GRM7: variants seen among roughly 807,000 people sequenced by gnomAD.
GRM7 encodes metabotropic glutamate receptor 7.
Under a neutral mutation model 84.5 loss-of-function variants are expected in GRM7, and 35 were observed. That is an observed-to-expected ratio of 0.41 (90% CI 0.32 to 0.55). GRM7 has a LOEUF of 0.55. Ranked by LOEUF, GRM7 falls within the 20% of genes least tolerant of loss-of-function variation. The pLI is 0.19. For missense variants in GRM7, 1,003 were observed against 1,194.6 expected (o/e 0.84, Z 2.36); for synonymous variants, 487 against 455.1 (o/e 1.07, Z -0.89).
At chr3:7,079,957 T>C (rs1047838836) in intron 1 of GRM7, among the ~76,000 whole-genome samples, 2 of 152,178 alleles carry the variant, frequency 1.3e-5, no homozygotes, top group African/African-American at 4.8e-5. Flanking sequence ...AGAGTTTGCT[T>C]AATGAATGGC....
At chr3:7,218,858 A>G (rs571829525) in intron 2 of GRM7, among the ~76,000 whole-genome samples, 56 of 152,118 alleles carry the variant, frequency 3.7e-4, no homozygotes, top group African/African-American at 1.3e-3. Flanking sequence ...TATTATTTTT[A>G]ACATTTTTCT....
Position 7,092,955 on chromosome 3 carries a change from C to T in GRM7, c.520-53497C>T, listed in dbSNP as rs139096528. Among the ~76,000 whole-genome samples the T allele has an allele frequency of 5.8e-4, 88 of 152,182 alleles. 1 individual carries two copies. The highest frequency in any genetic ancestry group is 2.1e-3 in the African/African-American group (87 of 41,512). ...AAATTTAGCCAGGTGTGGTGGTGTG[C>T]ACCTGTAGTCCCAGCTGCTTGGGAG... On this transcript the variant is annotated intron_variant, in intron 1 of 9. Transcript: ENST00000357716.
At chr3:7,277,400 A>G (rs1376266477) in intron 2 of GRM7, among the ~76,000 whole-genome samples, 1 of 152,002 alleles carries the variant, frequency 6.6e-6, no homozygotes, top group East Asian at 1.9e-4. Flanking sequence ...AATTTTATCA[A>G]GATGTCCATT....
intron 4 of GRM7, among the ~76,000 whole-genome samples, chr3:7,364,144 A>G (rs1180298904): frequency 2.0e-5 from 3 of 151,842 alleles, no homozygotes; most frequent in Non-Finnish European, 2.9e-5. Context: ...TTTTTGTTTT[A>G]TTCCTCTATA....
intron 8 of GRM7, among the ~76,000 whole-genome samples, chr3:7,585,662 A>T (rs915087925): frequency 6.6e-6 from 1 of 152,162 alleles, no homozygotes; most frequent in Non-Finnish European, 1.5e-5. Context: ...AGCTCCCTGG[A>T]GCTCACTTTT....
At chr3:7,432,214 C>T (rs1479823484) in intron 5 of GRM7, among the ~76,000 whole-genome samples, 3 of 152,156 alleles carry the variant, frequency 2.0e-5, no homozygotes, top group Non-Finnish European at 4.4e-5. Flanking sequence ...ATTAATCAAC[C>T]CTTATTACCT....
At chr3:6,971,566 A>G (rs1242931670) in intron 1 of GRM7, among the ~76,000 whole-genome samples, 1 of 152,208 alleles carries the variant, frequency 6.6e-6, no homozygotes, top group Non-Finnish European at 1.5e-5. Flanking sequence ...AATTGTTCCA[A>G]AGGTGTTCTT....
At chr3:7,454,291 C>T (rs2124895421) in intron 6 of GRM7, among the ~76,000 whole-genome samples, 1 of 151,988 alleles carries the variant, frequency 6.6e-6, no homozygotes, top group East Asian at 1.9e-4. Flanking sequence ...AAAAATGGGC[C>T]AATAGGATAA....
intron 1 of GRM7, among the ~76,000 whole-genome samples, chr3:7,145,662 T>C (rs917750040): frequency 6.6e-6 from 1 of 152,164 alleles, no homozygotes. Context: ...ATGATCCTTA[T>C]AGGCAAAAGT....
chr3:7,020,631 A>G (rs1183924805), intron 1 of GRM7, among the ~76,000 whole-genome samples: 1 of 152,160 alleles, frequency 6.6e-6, no homozygotes, highest in Admixed American at 6.5e-5. Flanking sequence ...ATTCGAATGA[A>G]TGTAATTGCA....
intron 8 of GRM7, among the ~76,000 whole-genome samples, chr3:7,664,617 C>T (rs1177621394): frequency 2.6e-5 from 4 of 152,164 alleles, no homozygotes; most frequent in East Asian, 1.9e-4. Context: ...CCCATCAACC[C>T]GTCATCTACA....
chr3:7,057,516 G>C (rs1499144), intron 1 of GRM7, among the ~76,000 whole-genome samples: 20,086 of 151,750 alleles, frequency 0.13, 1,932 homozygotes, highest in African/African-American at 0.27. Flanking sequence ...ATAAAAACAC[G>C]CAACAGCTGC....
chr3:7,342,534 C>T (rs1692689569), intron 4 of GRM7, among the ~76,000 whole-genome samples: 1 of 152,134 alleles, frequency 6.6e-6, no homozygotes, highest in Non-Finnish European at 1.5e-5. Flanking sequence ...CTCCAGAGTA[C>T]ACCGAGGGAA....
chr3:7,656,305 A>G (rs923544058), intron 8 of GRM7, among the ~76,000 whole-genome samples: 4 of 152,058 alleles, frequency 2.6e-5, no homozygotes, highest in African/African-American at 9.7e-5. Context: ...CCTGGCCAAT[A>G]TGGCAAAACC....
chr3:7,440,076 A>T (rs779444312), intron 5 of GRM7, among the ~76,000 whole-genome samples: 1 of 152,200 alleles, frequency 6.6e-6, no homozygotes, highest in African/African-American at 2.4e-5. Flanking sequence ...GTTAAACAAT[A>T]GAGAATTGGC....
intron 2 of GRM7, among the ~76,000 whole-genome samples, chr3:7,162,728 C>CTTTTTTTTTTTTTTTTTTTTTT (rs1559478421): frequency 1.8e-5 from 1 of 57,100 alleles, no homozygotes; most frequent in African/African-American, 5.2e-5. Flanking sequence ...TCCCATTTTT[C>CTTTTTTTTTTTTTTTTTTTTTT]ATTTTTTTTT....
At chr3:7,023,982 T>C (rs55776133) in intron 1 of GRM7, among the ~76,000 whole-genome samples, 1 of 152,104 alleles carries the variant, frequency 6.6e-6, no homozygotes, top group African/African-American at 2.4e-5. Context: ...CCAGGCCTGT[T>C]CTCTCCAGGC....
At chr3:7,169,614 A>G (rs143088357) in intron 2 of GRM7, among the ~76,000 whole-genome samples, 4 of 152,294 alleles carry the variant, frequency 2.6e-5, no homozygotes, top group Non-Finnish European at 5.9e-5. Context: ...GTAAAACGAT[A>G]AGTTAGCTTC....
At chr3:7,583,626 G>C (rs998544138) in intron 8 of GRM7, among the ~76,000 whole-genome samples, 3 of 152,124 alleles carry the variant, frequency 2.0e-5, no homozygotes, top group African/African-American at 7.2e-5. Flanking sequence ...GATAGTTTTC[G>C]TAAAGATTAA....
Sources: gnomAD v4.1 joint callset for allele counts (sites outside exome capture counted in the v4.1 genomes callset) on GRCh38, gnomAD v4.1.1 for gene constraint, MANE v1.5 for transcripts, NCBI Gene and HGNC (gene_info 2026-07-23, HGNC 2026-07-21) for gene names.